N4BP2L2: variants seen among roughly 807,000 people sequenced by gnomAD.
N4BP2L2 encodes NEDD4-binding protein 2-like 2.
Under a neutral mutation model 56.2 loss-of-function variants are expected in N4BP2L2, and 50 were observed. The observed-to-expected ratio is 0.89, with a 90% confidence interval of 0.71 to 1.13. The LOEUF (loss-of-function observed/expected upper bound fraction) is 1.13, where lower values mean the gene tolerates loss of function less well. N4BP2L2 is among the 50% of genes most tolerant of loss of function. The pLI is 0.00. For missense variants in N4BP2L2, 689 were observed against 693.8 expected, an observed-to-expected ratio of 0.99 and a Z score of 0.08; for synonymous variants, 203 against 223.6, an observed-to-expected ratio of 0.91 and a Z score of 0.82.
chr13:32,484,914 A>T (rs1454816074), intron 6 of N4BP2L2, among the ~76,000 whole-genome samples: 3 of 152,236 alleles, frequency 2.0e-5, no homozygotes, highest in African/African-American at 7.2e-5. Context: ...CACAAAATGA[A>T]TAGCCTTTAG....
downstream of N4BP2L2, chr13:32,508,338 T>C (rs1481567289): frequency 6.6e-6 from 1 of 152,188 alleles, no homozygotes; most frequent in East Asian, 1.9e-4. Context: ...GACTTGATCA[T>C]GTTTAACTGT....
chr13:32,432,494 T>C (rs2074991338), exon 10 of N4BP2L2: 1 of 152,166 alleles, frequency 6.6e-6, no homozygotes, highest in Non-Finnish European at 1.5e-5. Flanking sequence ...CTAGTGATGG[T>C]AGCATGAATG....
At position 32,518,455 on chromosome 13, in the gene N4BP2L2, C is replaced by G. The variant is rs561737385; in HGVS notation, c.1551-452G>C. On this transcript the variant is annotated intron_variant, in intron 5 of 5. Coordinates refer to ENST00000267068, the Ensembl canonical transcript of N4BP2L2. Reference sequence around the variant, plus strand: ...CAACACCAAATTATTATTACAGACACAATTTGAACATCTCTTACAAACATA... The same window carrying G: ...CAACACCAAATTATTATTACAGACAGAATTTGAACATCTCTTACAAACATA... 3.3e-3 allele frequency among the ~76,000 whole-genome samples: 507 copies of G among 152,206 alleles called. 2 individuals carry two copies. The highest frequency in any genetic ancestry group is 5.1e-3 in the Non-Finnish European group (346 of 67,996).
rs2054020968 is a variant in N4BP2L2, at chr13:32,529,526, G to GC, written c.1260-1995dup. 2.0e-5 allele frequency among the ~76,000 whole-genome samples: 3 copies of GC among 152,168 alleles called. No individual in the cohort carries two copies. In the South Asian group the frequency reaches 6.2e-4, roughly 32 times the overall value. ...AGAATATGAAAATGCCATGATATTA[G>GC]CATTCTAAAGCAAAACTCAATCACC... On this transcript the variant is annotated intron_variant, in intron 2 of 5. Coordinates refer to ENST00000267068, the Ensembl canonical transcript of N4BP2L2.
At chr13:32,442,438 C>T in exon 7 of N4BP2L2, 1 of 1,610,880 alleles carries the variant, frequency 6.2e-7, no homozygotes, top group Middle Eastern at 1.6e-4. Flanking sequence ...AAAGGCAAAC[C>T]CTTGTGATAA....
intron 6 of N4BP2L2, among the ~76,000 whole-genome samples, chr13:32,493,981 T>C (rs561514905): frequency 2.6e-5 from 4 of 152,256 alleles, no homozygotes; most frequent in South Asian, 2.1e-4. Flanking sequence ...ATCTATAAAA[T>C]GTGAGATTTG....
intron 6 of N4BP2L2, among the ~76,000 whole-genome samples, chr13:32,491,239 A>G (rs2086995608): frequency 1.3e-5 from 2 of 152,278 alleles, no homozygotes; most frequent in South Asian, 4.1e-4. Context: ...CATCATGCTT[A>G]CCATGCATAT....
At chr13:32,482,562 CA>C (rs2084988571) in intron 6 of N4BP2L2, among the ~76,000 whole-genome samples, 1 of 149,372 alleles carries the variant, frequency 6.7e-6, no homozygotes, top group South Asian at 2.1e-4. Context: ...GACAGAGTTT[CA>C]CCATGTTGGC....
intron 6 of N4BP2L2, among the ~76,000 whole-genome samples, chr13:32,483,899 G>A (rs531750789): frequency 3.3e-5 from 5 of 150,898 alleles, no homozygotes; most frequent in South Asian, 4.2e-4. Context: ...CAGGAGAATC[G>A]CTTGAACCCT....
intron 8 of N4BP2L2, among the ~76,000 whole-genome samples, chr13:32,437,542 C>T (rs1193154035): frequency 1.3e-5 from 2 of 152,214 alleles, no homozygotes; most frequent in Non-Finnish European, 2.9e-5. Context: ...ACTGGCTTTT[C>T]CAGATTTTCT....
At chr13:32,463,285 G>A (rs1359920166) in intron 6 of N4BP2L2, among the ~76,000 whole-genome samples, 1 of 152,066 alleles carries the variant, frequency 6.6e-6, no homozygotes, top group Non-Finnish European at 1.5e-5. Context: ...AAAAAGGAAT[G>A]AAGAAAAGTG....
At chr13:32,501,697 C>G (rs2090038493) in intron 6 of N4BP2L2, among the ~76,000 whole-genome samples, 1 of 152,024 alleles carries the variant, frequency 6.6e-6, no homozygotes, top group African/African-American at 2.4e-5. Flanking sequence ...CACCCGTAGT[C>G]TCAGCTACTC....
intron 6 of N4BP2L2, among the ~76,000 whole-genome samples, chr13:32,502,729 T>G (rs1320143707): frequency 6.6e-6 from 1 of 152,174 alleles, no homozygotes; most frequent in African/African-American, 2.4e-5. Context: ...CCCTCTGCTC[T>G]TTACAACAAT....
At chr13:32,443,015 C>T (rs756563963) in exon 7 of N4BP2L2, 18 of 1,613,240 alleles carry the variant, frequency 1.1e-5, no homozygotes, top group African/African-American at 5.3e-5. Flanking sequence ...TCTTTTACAC[C>T]GATACGACTC....
chr13:32,526,315 AAG>A (rs1404537049), intron 3 of N4BP2L2, among the ~76,000 whole-genome samples: 1 of 152,214 alleles, frequency 6.6e-6, no homozygotes, highest in African/African-American at 2.4e-5. Flanking sequence ...AATAACTGTG[AAG>A]AGATTTTTTC....
intron 6 of N4BP2L2, among the ~76,000 whole-genome samples, chr13:32,497,778 C>T (rs902587405): frequency 6.6e-6 from 1 of 152,176 alleles, no homozygotes; most frequent in Non-Finnish European, 1.5e-5. Flanking sequence ...AGTTATTCAA[C>T]AAACATGACA....
intron 2 of N4BP2L2, among the ~76,000 whole-genome samples, chr13:32,532,897 A>T (rs34474685): frequency 0.36 from 39,365 of 109,580 alleles, 6,462 homozygotes; most frequent in Non-Finnish European, 0.46. Context: ...GCCTTTTTTT[A>T]AAAAAAAAAA....
At chr13:32,499,890 T>C (rs798267) in intron 6 of N4BP2L2, among the ~76,000 whole-genome samples, 108,464 of 152,048 alleles carry the variant, frequency 0.71, 39,041 homozygotes, top group Non-Finnish European at 0.75. Context: ...AAGCCTCACA[T>C]ATCCCAACAC....
At chr13:32,474,985 T>C (rs898259503) in intron 6 of N4BP2L2, among the ~76,000 whole-genome samples, 1 of 152,248 alleles carries the variant, frequency 6.6e-6, no homozygotes, top group Non-Finnish European at 1.5e-5. Flanking sequence ...GATGAGGTTA[T>C]GATTAATTAA....
Sources: allele counts gnomAD v4.1 joint callset (sites outside exome capture counted in the v4.1 genomes callset), GRCh38; gene constraint gnomAD v4.1.1; transcripts MANE v1.5; gene names NCBI Gene and HGNC (gene_info 2026-07-23, HGNC 2026-07-21).